GRIA1: variants seen among roughly 807,000 people sequenced by gnomAD.
GRIA1 encodes glutamate ionotropic receptor AMPA type subunit 1, also known as glutamate receptor 1.
GRIA1 carries 31 observed loss-of-function variants against 99.2 expected under a neutral mutation model. The ratio of observed to expected loss-of-function variants is 0.31; its 90% CI spans 0.23 to 0.42. The LOEUF (loss-of-function observed/expected upper bound fraction) is 0.42, where lower values mean the gene tolerates loss of function less well. Ranked by LOEUF, GRIA1 falls within the 10% of genes least tolerant of loss-of-function variation. The pLI, the probability that GRIA1 is intolerant of heterozygous loss-of-function variation, is 1.00. For synonymous variants in GRIA1, 438 were observed against 432.4 expected, an observed-to-expected ratio of 1.01 and a Z score of -0.16; for missense variants, 782 against 1,157.5, an observed-to-expected ratio of 0.68 and a Z score of 4.71.
chr5:153,538,875 C>G (rs1758822389), intron 2 of GRIA1, among the ~76,000 whole-genome samples: 1 of 152,218 alleles, frequency 6.6e-6, no homozygotes, highest in Non-Finnish European at 1.5e-5. Flanking sequence ...ATCCTCAAAA[C>G]TACCTTACCT....
Position 153,603,785 on chromosome 5 carries a change from A to G in GRIA1, c.221-43143A>G, listed in dbSNP as rs74534226. Reference sequence around the variant, plus strand: ...CTTTGCCAGTTGCCACCGCCTAGCTACGTTCTTGGGCATGGGACCTAATTT... The same window carrying G: ...CTTTGCCAGTTGCCACCGCCTAGCTGCGTTCTTGGGCATGGGACCTAATTT... On this transcript the variant is annotated intron_variant, in intron 2 of 15. Coordinates refer to ENST00000285900, the MANE Select transcript of GRIA1 (RefSeq NM_000827.4). 7.9e-3 allele frequency among the ~76,000 whole-genome samples: 1,196 copies of G among 152,284 alleles called. 18 individuals are homozygous for G. Among genetic ancestry groups the G allele is most frequent in the African/African-American group, 0.027 (1,103 of 41,562 alleles).
intron 13 of GRIA1, among the ~76,000 whole-genome samples, chr5:153,778,843 T>C (rs950284555): frequency 6.6e-6 from 1 of 152,146 alleles, no homozygotes; most frequent in Non-Finnish European, 1.5e-5. Context: ...CCATTTGTAC[T>C]TGTGGGGAAT....
intron 2 of GRIA1, among the ~76,000 whole-genome samples, chr5:153,625,390 A>G (rs925836261): frequency 2.0e-5 from 3 of 152,210 alleles, no homozygotes; most frequent in African/African-American, 7.2e-5. Flanking sequence ...CCAGCATTCA[A>G]GGACTTAGTG....
At chr5:153,501,263 G>A (rs775787507) in intron 2 of GRIA1, among the ~76,000 whole-genome samples, 10 of 152,184 alleles carry the variant, frequency 6.6e-5, no homozygotes, top group African/African-American at 9.7e-5. Flanking sequence ...TGCTCATGGA[G>A]CTCACCAGCT....
In GRIA1 at chr5:153,677,014, C is replaced by T. The variant is rs114632468; in HGVS notation, c.882C>T (p.Tyr294=). 3.8e-4 allele frequency: 577 copies of T among 1,520,162 alleles called. No individual in the cohort carries two copies. In the African/African-American group the frequency reaches 6.9e-3, roughly 18 times the overall value. The allele number at this position is 1,520,162 out of a possible 1,614,324, so 94.2% of individuals were successfully genotyped here. A position where few individuals can be genotyped will look rare whatever the true frequency, so the allele number is the denominator to read the frequency against. Reference sequence around the variant, plus strand: ...ACTAGTACACCTCTGCGCTCACCTACGATGGGGTGAAGGTGATGGCTGAGG... The same window carrying T: ...ACTAGTACACCTCTGCGCTCACCTATGATGGGGTGAAGGTGATGGCTGAGG... ...KRPKYTSALT[Y]DGVKVMAEAF... The change falls in exon 7 of 16, where the codon TAC becomes TAT. Residue 294 remains tyrosine (Y), a synonymous_variant. Coordinates refer to ENST00000285900, the MANE Select transcript of GRIA1 (RefSeq NM_000827.4).
chr5:153,560,372 T>G (rs903854835), intron 2 of GRIA1, among the ~76,000 whole-genome samples: 5 of 152,198 alleles, frequency 3.3e-5, no homozygotes, highest in Non-Finnish European at 7.4e-5. Flanking sequence ...CAGGACTGGA[T>G]GTGCTTTTGG....
intron 5 of GRIA1, among the ~76,000 whole-genome samples, chr5:153,674,061 G>T (rs6864192): frequency 6.6e-6 from 1 of 152,166 alleles, no homozygotes; most frequent in Non-Finnish European, 1.5e-5. Flanking sequence ...GATGGTAGAC[G>T]AGATTATTCC....
At chr5:153,586,367 C>T (rs1257286730) in intron 2 of GRIA1, among the ~76,000 whole-genome samples, 1 of 152,182 alleles carries the variant, frequency 6.6e-6, no homozygotes, top group African/African-American at 2.4e-5. Flanking sequence ...GTAGGTGCTA[C>T]TATTATCCTC....
intron 2 of GRIA1, among the ~76,000 whole-genome samples, chr5:153,549,677 AT>A: frequency 6.6e-6 from 1 of 152,246 alleles, no homozygotes; most frequent in Non-Finnish European, 1.5e-5. Context: ...CTTTTCAAAA[AT>A]TTTCCAGGAA....
At position 153,767,036 on chromosome 5, in the gene GRIA1, G is replaced by A. The variant is rs146998647; in HGVS notation, c.2022+2404G>A. Among the ~76,000 whole-genome samples, 203 of 152,228 alleles carry A rather than the reference G, an allele frequency of 1.3e-3. 2 individuals carry two copies. Among genetic ancestry groups the A allele is most frequent in the Admixed American group, 2.3e-3 (35 of 15,290 alleles). On this transcript the variant is annotated intron_variant, in intron 12 of 15. Transcript: ENST00000285900. ...CTAGAGATTCTGAGGTCACATCTGG[G>A]CTTGATGTGAAAGGATTCTTTGATT...
chr5:153,798,466 A>C (rs554870285), intron 14 of GRIA1, among the ~76,000 whole-genome samples: 1 of 152,246 alleles, frequency 6.6e-6, no homozygotes, highest in Non-Finnish European at 1.5e-5. Flanking sequence ...TCCAGGTGTA[A>C]ACATAACAGA....
At chr5:153,573,666 G>A (rs1374497649) in intron 2 of GRIA1, among the ~76,000 whole-genome samples, 1 of 152,056 alleles carries the variant, frequency 6.6e-6, no homozygotes, top group African/African-American at 2.4e-5. Flanking sequence ...CATATTTGGA[G>A]GACCTACTAA....
intron 5 of GRIA1, among the ~76,000 whole-genome samples, chr5:153,671,537 G>A (rs1581440093): frequency 6.6e-6 from 1 of 152,152 alleles, no homozygotes; most frequent in South Asian, 2.1e-4. Context: ...TAGAACCATT[G>A]TGCAAATCAG....
chr5:153,707,518 C>A (rs901610017), intron 11 of GRIA1, among the ~76,000 whole-genome samples: 1 of 152,148 alleles, frequency 6.6e-6, no homozygotes, highest in African/African-American at 2.4e-5. Flanking sequence ...TTCCAGTAGG[C>A]ACTCTCTTAG....
Position 153,813,084 on chromosome 5 carries a change from A to C in GRIA1, c.*1859A>C, listed in dbSNP as rs1204917768. 1 of 152,218 alleles carries C rather than the reference A, an allele frequency of 6.6e-6. No individual in the cohort carries two copies. Among genetic ancestry groups the C allele is most frequent in the Non-Finnish European group, 1.5e-5 (1 of 68,058 alleles). 9.4% of individuals were successfully genotyped at this position (152,218 alleles called of 1,614,324 possible). A position where few individuals can be genotyped will look rare whatever the true frequency, so the allele number is the denominator to read the frequency against. On this transcript the variant is annotated 3_prime_UTR_variant, in exon 16 of 16. Transcript: ENST00000285900. The stretch of plus-strand genomic sequence containing the variant: ...CACTCTCCTGCCTTCAGCCATAGCA[A>C]AGAATCCTTCCAAAATCAAACTCTT...
intron 1 of GRIA1, among the ~76,000 whole-genome samples, chr5:153,493,213 G>A (rs904818047): frequency 6.6e-6 from 1 of 152,196 alleles, no homozygotes; most frequent in Non-Finnish European, 1.5e-5. Context: ...GAAGCACAAG[G>A]TTCCACCATG....
rs73282397 is a variant in GRIA1 at position 153,493,876 on chromosome 5, A to G, written c.83-52A>G. ...ACTCATCTGGAGTGAGTCGTGAGGAACTAAAACCTGTCTCTAGCCCATATA... is the reference window on the plus strand; with the variant it reads ...ACTCATCTGGAGTGAGTCGTGAGGAGCTAAAACCTGTCTCTAGCCCATATA... On this transcript the variant is annotated intron_variant, in intron 1 of 15. Coordinates refer to ENST00000285900, the MANE Select transcript of GRIA1 (RefSeq NM_000827.4). 277 of 1,601,720 alleles carry G rather than the reference A, an allele frequency of 1.7e-4. 2 individuals carry two copies. In the South Asian group the frequency reaches 2.8e-3, roughly 16 times the overall value.
At chr5:153,750,557 T>C (rs1407002936) in intron 11 of GRIA1, among the ~76,000 whole-genome samples, 1 of 152,056 alleles carries the variant, frequency 6.6e-6, no homozygotes, top group Non-Finnish European at 1.5e-5. Context: ...AGTTGATTGC[T>C]GCTTAATAAC....
chr5:153,716,124 T>C (rs1458125154), intron 11 of GRIA1, among the ~76,000 whole-genome samples: 1 of 152,254 alleles, frequency 6.6e-6, no homozygotes, highest in Admixed American at 6.5e-5. Flanking sequence ...CTTTCTTTCA[T>C]GTGTTGTACC....
Sources: gnomAD v4.1 joint callset for allele counts (sites outside exome capture counted in the v4.1 genomes callset) on GRCh38, gnomAD v4.1.1 for gene constraint, MANE v1.5 for transcripts, NCBI Gene and HGNC (gene_info 2026-07-23, HGNC 2026-07-21) for gene names.